GRAMD2B: variants seen among roughly 807,000 people sequenced by gnomAD.
GRAMD2B encodes the protein GRAM domain-containing protein 2B.
GRAMD2B carries 41 observed loss-of-function variants against 59.2 expected under a neutral mutation model. That is an observed-to-expected ratio of 0.69 (90% CI 0.54 to 0.90). The LOEUF (loss-of-function observed/expected upper bound fraction) is 0.90. Ranked by LOEUF, GRAMD2B falls within the 40% of genes least tolerant of loss-of-function variation. The pLI is 0.00. For missense variants in GRAMD2B, 424 were observed against 500.5 expected (o/e 0.85, Z 1.46); for synonymous variants, 161 against 182.7 (o/e 0.88, Z 0.96).
intron 1 of GRAMD2B, among the ~76,000 whole-genome samples, chr5:126,413,972 T>C (rs1280761371): frequency 6.6e-6 from 1 of 152,176 alleles, no homozygotes; most frequent in Non-Finnish European, 1.5e-5. Context: ...CAGATTAATC[T>C]GACTCTTAAC....
At chr5:126,383,084 C>T (rs577920656) in intron 1 of GRAMD2B, among the ~76,000 whole-genome samples, 22 of 152,290 alleles carry the variant, frequency 1.4e-4, no homozygotes, top group African/African-American at 5.3e-4. Context: ...CAGCACCTTC[C>T]CCAGTGGAGG....
intron 1 of GRAMD2B, among the ~76,000 whole-genome samples, chr5:126,435,388 G>A (rs938204645): frequency 4.6e-5 from 7 of 152,138 alleles, no homozygotes; most frequent in Admixed American, 1.3e-4. Flanking sequence ...ACAAGGATAG[G>A]ATACTTGAAA....
exon 1 of GRAMD2B, chr5:126,360,275 C>A (rs2149680620): frequency 1.9e-6 from 3 of 1,544,080 alleles, no homozygotes; most frequent in Admixed American, 3.9e-5. Flanking sequence ...GGTGTAAATA[C>A]AAAGTTCCTT....
intron 1 of GRAMD2B, among the ~76,000 whole-genome samples, chr5:126,400,302 T>A (rs1757711177): frequency 6.6e-6 from 1 of 152,176 alleles, no homozygotes; most frequent in Non-Finnish European, 1.5e-5. Flanking sequence ...TAGCTTATTG[T>A]AAGCTGATAA....
At chr5:126,424,740 C>T (rs1169453926) in intron 1 of GRAMD2B, among the ~76,000 whole-genome samples, 4 of 152,316 alleles carry the variant, frequency 2.6e-5, no homozygotes, top group South Asian at 4.1e-4. Flanking sequence ...TAGTAGCTGG[C>T]ACTTACTGAG....
In GRAMD2B at chr5:126,465,463, G is replaced by C; in HGVS notation, c.121G>C (p.Ala41Pro). The C allele has an allele frequency of 6.2e-7, 1 of 1,614,120 alleles. No individual in the cohort carries two copies. Among genetic ancestry groups the C allele is most frequent in the Non-Finnish European group, 8.5e-7 (1 of 1,180,014 alleles). Residue 41 changes from alanine (A) to proline (P), a missense_variant, in exon 2 of 14, where the codon GCC (alanine) becomes CCC (proline). Physicochemically the swap from Ala to Pro is conservative, Grantham distance 27 (BLOSUM62 -1). Transcript: ENST00000285689. Reference protein sequence around the residue: ...AENGVEEKKKACRSPTAQSPT... With the variant: ...AENGVEEKKKPCRSPTAQSPT... ...GAATGGTGTGGAGGAGAAAAAGAAA[G>C]CCTGCAGGTCGCCAACAGCCCAATC...
Position 126,395,778 on chromosome 5 carries a change from G to A in GRAMD2B, c.125+24211G>A, listed in dbSNP as rs145404867. ...AGGGAGTGTCTGTGTGTGTGTGTGCGCGCATGCACATGTATATGTGTTTCA... is the reference window on the plus strand; with the variant it reads ...AGGGAGTGTCTGTGTGTGTGTGTGCACGCATGCACATGTATATGTGTTTCA... On this transcript the variant is annotated intron_variant, in intron 1 of 8. Coordinates refer to the GRAMD2B transcript ENST00000506445. 9.3e-3 allele frequency among the ~76,000 whole-genome samples: 1,411 copies of A among 152,164 alleles called. 49 individuals are homozygous for A. The highest frequency in any genetic ancestry group is 0.056 in the Admixed American group (857 of 15,276).
upstream of GRAMD2B, among the ~76,000 whole-genome samples, chr5:126,420,912 T>A (rs1759664927): frequency 6.6e-6 from 1 of 151,676 alleles, no homozygotes; most frequent in South Asian, 2.1e-4. Context: ...CAAAAAAAAA[T>A]GAAATTTGGA....
chr5:126,363,916 ATTCTGTAAATGTAC>A (rs1488619991), intron 1 of GRAMD2B, among the ~76,000 whole-genome samples: 1 of 152,188 alleles, frequency 6.6e-6, no homozygotes, highest in Admixed American at 6.5e-5. Context: ...TGGTTGCACA[ATTCTGTAAATGTAC>A]TAAAGCCACT....
At chr5:126,460,044 A>T (rs1449009582) in intron 1 of GRAMD2B, among the ~76,000 whole-genome samples, 2 of 152,240 alleles carry the variant, frequency 1.3e-5, no homozygotes, top group Non-Finnish European at 2.9e-5. Context: ...TGGTTAAATA[A>T]CATTTCATCC....
intron 5 of GRAMD2B, among the ~76,000 whole-genome samples, chr5:126,476,684 A>T (rs1770689105): frequency 2.0e-5 from 3 of 152,240 alleles, no homozygotes; most frequent in Admixed American, 1.3e-4. Context: ...ACTATGTATG[A>T]TCATAATTAA....
upstream of GRAMD2B, among the ~76,000 whole-genome samples, chr5:126,419,958 G>A (rs1428333131): frequency 6.6e-6 from 1 of 150,492 alleles, no homozygotes; most frequent in Non-Finnish European, 1.5e-5. Context: ...GAGAGGCTGA[G>A]GCAGGAGAAT....
chr5:126,410,575 G>A (rs1270887821), intron 1 of GRAMD2B, among the ~76,000 whole-genome samples: 2 of 152,016 alleles, frequency 1.3e-5, no homozygotes, highest in South Asian at 4.2e-4. Context: ...CTTATCAGCT[G>A]AAGGAGATTT....
intron 2 of GRAMD2B, among the ~76,000 whole-genome samples, 174 bp downstream of exon 2, chr5:126,465,719 T>C (rs1206480261): frequency 6.6e-6 from 1 of 152,184 alleles, no homozygotes; most frequent in Non-Finnish European, 1.5e-5. Flanking sequence ...TTTTTCTCCC[T>C]CCTGCCCCAG....
intron 1 of GRAMD2B, among the ~76,000 whole-genome samples, chr5:126,426,390 T>C (rs1760628022): frequency 6.6e-6 from 1 of 152,184 alleles, no homozygotes; most frequent in Admixed American, 6.6e-5. Context: ...CATCTCTTCT[T>C]TACCAGTGCT....
At chr5:126,370,580 A>G (rs118185253), upstream of GRAMD2B, among the ~76,000 whole-genome samples, 77 of 152,352 alleles carry the variant, frequency 5.1e-4, 1 homozygote, top group East Asian at 0.014. Context: ...ATTTGTTAGT[A>G]AAATGCATAT....
intron 1 of GRAMD2B, among the ~76,000 whole-genome samples, chr5:126,383,553 G>A (rs566130713): frequency 3.9e-5 from 6 of 152,230 alleles, no homozygotes; most frequent in South Asian, 4.1e-4. Context: ...CTTTCACTGT[G>A]GTAGATGGAT....
upstream of GRAMD2B, among the ~76,000 whole-genome samples, chr5:126,419,600 A>G (rs1337559086): frequency 6.6e-6 from 1 of 152,210 alleles, no homozygotes; most frequent in African/African-American, 2.4e-5. Context: ...CAAGAGTATG[A>G]ACAGATGCAC....
At chr5:126,406,868 G>A (rs914166545) in intron 1 of GRAMD2B, among the ~76,000 whole-genome samples, 1 of 151,980 alleles carries the variant, frequency 6.6e-6, no homozygotes, top group Non-Finnish European at 1.5e-5. Context: ...CAACCTCACT[G>A]TCAACAGAAG....
Sources: gnomAD v4.1 joint callset for allele counts (sites outside exome capture counted in the v4.1 genomes callset) on GRCh38, gnomAD v4.1.1 for gene constraint, MANE v1.5 for transcripts, NCBI Gene and HGNC (gene_info 2026-07-23, HGNC 2026-07-21) for gene names.